The following STK24 variants were observed in gnomAD, a reference collection of about 807,000 sequenced individuals.
STK24 encodes the protein serine/threonine kinase 24.
Under a neutral mutation model 55.6 loss-of-function variants are expected in STK24, and 21 were observed. The observed-to-expected ratio is 0.38, with a 90% CI of 0.27 to 0.54. The LOEUF is 0.54. Among genes scored for constraint, STK24 ranks in the 20% least tolerant of loss-of-function variants. The pLI, the probability that STK24 is intolerant of heterozygous loss-of-function variation, is 0.79. For missense variants in STK24, 383 were observed against 538.4 expected, an observed-to-expected ratio of 0.71 and a Z score of 2.86; for synonymous variants, 200 against 215.2, an observed-to-expected ratio of 0.93 and a Z score of 0.62.
At chr13:98,484,867 G>A (rs1030903568) in intron 2 of STK24, among the ~76,000 whole-genome samples, 11 of 152,130 alleles carry the variant, frequency 7.2e-5, no homozygotes, top group Admixed American at 2.6e-4. Context: ...AAATAACACA[G>A]CCTTCCCGCT....
intron 1 of STK24, among the ~76,000 whole-genome samples, chr13:98,552,672 C>T (rs1008372601): frequency 2.6e-5 from 4 of 152,076 alleles, no homozygotes; most frequent in Admixed American, 1.3e-4. Flanking sequence ...ACCCCAAGGG[C>T]AGGCAGCTTT....
chr13:98,464,150 G>A (rs1297790006), intron 6 of STK24, among the ~76,000 whole-genome samples: 1 of 152,164 alleles, frequency 6.6e-6, no homozygotes, highest in Non-Finnish European at 1.5e-5. Context: ...GGGCGCAGTG[G>A]CTCACGCCTG....
chr13:98,485,264 C>G (rs180711015), intron 2 of STK24, among the ~76,000 whole-genome samples: 1 of 152,124 alleles, frequency 6.6e-6, no homozygotes, highest in African/African-American at 2.4e-5. Context: ...TCCGAGCATT[C>G]GGGGAGAATT....
chr13:98,528,197 C>A (rs528527807), intron 1 of STK24, among the ~76,000 whole-genome samples: 2 of 152,190 alleles, frequency 1.3e-5, no homozygotes, highest in African/African-American at 4.8e-5. Context: ...CTACACAGAA[C>A]GGCCATGACC....
rs398038978 is a variant in STK24 at position 98,503,024 on chromosome 13, G to GTTTTTTTTTTTTTTTTTT, written c.273+16218_273+16219insAAAAAAAAAAAAAAAAAA. ...AATATATTAGAAATACTTTCCATGT[G>GTTTTTTTTTTTTTTTTTT]TTTTTTTTTTTTTTTTTCAGTATGG... On this transcript the variant is annotated intron_variant, in intron 2 of 10. Transcript: ENST00000539966. 1.7e-3 allele frequency among the ~76,000 whole-genome samples: 180 copies of GTTTTTTTTTTTTTTTTTT among 107,036 alleles called. 30 individuals carry two copies. The highest frequency in any genetic ancestry group is 6.8e-3 in the African/African-American group (169 of 25,010). 70.2% of individuals were successfully genotyped at this position (107,036 alleles called of 152,430 possible).
rs9168 is a variant in STK24 at position 98,449,329 on chromosome 13, C to A, written c.*3844G>T. Reference sequence around the variant, plus strand: ...ATCGTGCCTGTCTTCAAAAACATTTCCCTTTTTATACTCATTCCCCCCAGG... The same window carrying A: ...ATCGTGCCTGTCTTCAAAAACATTTACCTTTTTATACTCATTCCCCCCAGG... On this transcript the variant is annotated 3_prime_UTR_variant, in exon 11 of 11. Coordinates refer to ENST00000539966, the MANE Select transcript of STK24 (RefSeq NM_001032296.4). The A allele has an allele frequency of 0.26, 39,189 of 152,094 alleles. 5,191 individuals are homozygous for A. Among genetic ancestry groups the A allele is most frequent in the Non-Finnish European group, 0.3 (20,160 of 67,998 alleles). 9.4% of individuals were successfully genotyped at this position (152,094 alleles called of 1,614,324 possible).
At chr13:98,567,209 C>G (rs1483003915) in intron 1 of STK24, among the ~76,000 whole-genome samples, 1 of 152,228 alleles carries the variant, frequency 6.6e-6, no homozygotes, top group Admixed American at 6.5e-5. Context: ...GCCCCCAGCG[C>G]GCAGACACCA....
chr13:98,468,445 A>C (rs897142117), intron 5 of STK24, among the ~76,000 whole-genome samples: 13 of 152,222 alleles, frequency 8.5e-5, no homozygotes, highest in African/African-American at 2.9e-4. Flanking sequence ...GGTGCATGGG[A>C]GCACAGGGTG....
chr13:98,536,199 G>A (rs1201108693), intron 1 of STK24, among the ~76,000 whole-genome samples: 2 of 152,098 alleles, frequency 1.3e-5, no homozygotes, highest in East Asian at 1.9e-4. Flanking sequence ...GGCAGCAAGG[G>A]CAAGAGGGAA....
chr13:98,569,930 G>A (rs1897696511), intron 1 of STK24, among the ~76,000 whole-genome samples: 1 of 148,690 alleles, frequency 6.7e-6, no homozygotes, highest in Non-Finnish European at 1.5e-5. Flanking sequence ...AGGCTGGAGT[G>A]CAGTGGCACC....
chr13:98,478,812 C>G (rs111990204), intron 3 of STK24, among the ~76,000 whole-genome samples: 1 of 102,802 alleles, frequency 9.7e-6, no homozygotes, highest in East Asian at 2.5e-4. Flanking sequence ...GCAACACTGG[C>G]TGATCTTTTA....
Position 98,494,389 on chromosome 13 carries a change from G to A in STK24, c.274-12068C>T, listed in dbSNP as rs1895165182. Among the ~76,000 whole-genome samples, 5 of 86,096 alleles carry A rather than the reference G, an allele frequency of 5.8e-5. No individual in the cohort carries two copies. The South Asian group carries it at 1.7e-3, about 30-fold the overall frequency. The allele number at this position is 86,096 out of a possible 152,430, so 56.5% of individuals were successfully genotyped here. On this transcript the variant is annotated intron_variant, in intron 2 of 10. Transcript: ENST00000539966. ...AGATTGCACCACTGCACTCCAGCCT[G>A]GGTGACAGAGCCAGACTCGTCTCAA...
At chr13:98,508,755 C>A (rs1895780448) in intron 2 of STK24, 2 of 152,204 alleles carry the variant, frequency 1.3e-5, no homozygotes. Context: ...AATGAGTTAA[C>A]TTTGTAACAT....
chr13:98,558,659 T>A (rs1408346594), intron 1 of STK24, among the ~76,000 whole-genome samples: 2 of 152,216 alleles, frequency 1.3e-5, no homozygotes. Context: ...TAAAAGGCTT[T>A]TCTAGCCTAG....
At chr13:98,516,383 T>C (rs1213609380) in intron 2 of STK24, among the ~76,000 whole-genome samples, 5 of 152,344 alleles carry the variant, frequency 3.3e-5, no homozygotes, top group East Asian at 3.9e-4. Context: ...CTTTTCAACC[T>C]GCCTGGAGGC....
chr13:98,529,459 C>T (rs936117476), intron 1 of STK24, among the ~76,000 whole-genome samples: 22 of 152,068 alleles, frequency 1.4e-4, no homozygotes, highest in African/African-American at 4.8e-4. Flanking sequence ...CAACTGGGGA[C>T]GACCCACTGC....
chr13:98,445,435 G>T lies in STK24; in HGVS notation c.*7738C>A, dbSNP rs1196422752. On this transcript the variant is annotated 3_prime_UTR_variant, in exon 11 of 11. Coordinates refer to ENST00000539966, the MANE Select transcript of STK24 (RefSeq NM_001032296.4). The stretch of plus-strand genomic sequence containing the variant: ...CCCTGCCCCCTAGCTGGGCTGCAGC[G>T]CATCCTAACAATGCTCCAGGGGCTG... 6.6e-6 allele frequency: 1 copy of T among 152,220 alleles called. No individual in the cohort carries two copies. The highest frequency in any genetic ancestry group is 2.4e-5 in the African/African-American group (1 of 41,442). The allele number at this position is 152,220 out of a possible 1,614,324, so 9.4% of individuals were successfully genotyped here. A position where few individuals can be genotyped will look rare whatever the true frequency, so the allele number is the denominator to read the frequency against.
chr13:98,528,560 C>T (rs1896495958), intron 1 of STK24, among the ~76,000 whole-genome samples: 1 of 152,228 alleles, frequency 6.6e-6, no homozygotes, highest in Non-Finnish European at 1.5e-5. Flanking sequence ...CACAATACAA[C>T]ACAACACTTT....
rs545334998 is a variant in STK24 at position 98,512,836 on chromosome 13, A to G, written c.273+6407T>C. Among the ~76,000 whole-genome samples, 198 of 152,302 alleles carry G rather than the reference A, an allele frequency of 1.3e-3. 3 individuals are homozygous for G. The South Asian group carries it at 0.016, about 12-fold the overall frequency. ...TACAAGTGTCCAAGGGAGAGTCACA[A>G]ACGTCCCATTAAGACTCCACTCAGT... On this transcript the variant is annotated intron_variant, in intron 2 of 10. Coordinates refer to ENST00000539966, the MANE Select transcript of STK24 (RefSeq NM_001032296.4).
Sources: gnomAD v4.1 joint callset for allele counts (sites outside exome capture counted in the v4.1 genomes callset) on GRCh38, gnomAD v4.1.1 for gene constraint, MANE v1.5 for transcripts, NCBI Gene and HGNC (gene_info 2026-07-23, HGNC 2026-07-21) for gene names.